Variants in FRMD6 observed in about 807,000 individuals in gnomAD.
FRMD6 encodes FERM domain-containing protein 6.
A neutral mutation model predicts 73.2 loss-of-function variants in FRMD6; 37 were observed. The observed-to-expected ratio is 0.51, with a 90% CI of 0.39 to 0.66. The LOEUF (loss-of-function observed/expected upper bound fraction) is 0.66. Ranked by LOEUF, FRMD6 falls within the 30% of genes least tolerant of loss-of-function variation. The probability of loss-of-function intolerance (pLI) is 0.00; values close to 1 mark genes in which losing one functional copy is unlikely to be tolerated. For synonymous variants in FRMD6, 273 were observed against 282.2 expected, an observed-to-expected ratio of 0.97 and a Z score of 0.33; for missense variants, 714 against 780.5, an observed-to-expected ratio of 0.91 and a Z score of 1.02.
chr14:51,644,275 G>C (rs1326737218), intron 2 of FRMD6, among the ~76,000 whole-genome samples: 2 of 151,408 alleles, frequency 1.3e-5, no homozygotes, highest in Non-Finnish European at 1.5e-5. Flanking sequence ...TGAGATATCC[G>C]GCCCAGAAGC....
chr14:51,459,056 CG>C, the FRMD6 span, among the ~76,000 whole-genome samples: 683 of 152,302 alleles, frequency 4.5e-3, 4 homozygotes, highest in African/African-American at 0.015. Flanking sequence ...CACACGGCAG[CG>C]TAGTGAAGTG....
intron 7 of FRMD6, among the ~76,000 whole-genome samples, chr14:51,709,182 G>A (rs941732486): frequency 3.3e-5 from 5 of 152,158 alleles, no homozygotes; most frequent in African/African-American, 1.2e-4. Flanking sequence ...TGTAAGTTGA[G>A]CCTAACTGCC....
intron 2 of FRMD6, among the ~76,000 whole-genome samples, chr14:51,590,089 GGTAA>G (rs1889305133): frequency 6.7e-6 from 1 of 148,988 alleles, no homozygotes; most frequent in South Asian, 2.1e-4. Flanking sequence ...AAAAAAATCA[GGTAA>G]GTGAGAATTT....
intron 4 of FRMD6, among the ~76,000 whole-genome samples, chr14:51,701,642 C>A (rs967041214): frequency 1.8e-4 from 27 of 148,262 alleles, no homozygotes; most frequent in Middle Eastern, 3.6e-3. Flanking sequence ...CTTATAAGTT[C>A]TAAAGTGTCA....
chr14:51,588,662 C>T (rs1203733894), intron 2 of FRMD6, among the ~76,000 whole-genome samples: 1 of 152,170 alleles, frequency 6.6e-6, no homozygotes, highest in African/African-American at 2.4e-5. Context: ...ATGACTTCCA[C>T]CCCAGGCTGC....
chr14:51,411,117 G>T, the FRMD6 span, among the ~76,000 whole-genome samples: 1 of 152,122 alleles, frequency 6.6e-6, no homozygotes, highest in Admixed American at 6.5e-5. Flanking sequence ...ATTGTCTGTT[G>T]GATGAAGGGT....
chr14:51,461,160 T>A, the FRMD6 span, among the ~76,000 whole-genome samples: 1 of 152,188 alleles, frequency 6.6e-6, no homozygotes, highest in Non-Finnish European at 1.5e-5. Flanking sequence ...GCACACCTAT[T>A]ACAACAAATG....
chr14:51,660,613 G>GA (rs10605746), intron 1 of FRMD6, among the ~76,000 whole-genome samples: 64,034 of 139,260 alleles, frequency 0.46, 14,779 homozygotes, highest in Middle Eastern at 0.57. Context: ...TAAAATAAAG[G>GA]AAAAAAAAAA....
intron 1 of FRMD6, among the ~76,000 whole-genome samples, chr14:51,518,226 T>G (rs1884745540): frequency 6.6e-6 from 1 of 152,244 alleles, no homozygotes; most frequent in African/African-American, 2.4e-5. Context: ...CCATGAAGTA[T>G]ATACTGTAGT....
the FRMD6 span, among the ~76,000 whole-genome samples, chr14:51,404,119 G>A: frequency 2.0e-5 from 3 of 152,036 alleles, no homozygotes; most frequent in South Asian, 6.2e-4. Flanking sequence ...TGCTTTTCTG[G>A]TAGGCTTGAA....
intron 1 of FRMD6, among the ~76,000 whole-genome samples, chr14:51,506,886 T>A (rs1474940633): frequency 6.6e-6 from 1 of 152,134 alleles, no homozygotes; most frequent in Non-Finnish European, 1.5e-5. Context: ...GGAAGGATAA[T>A]ATTTGTGATG....
At chr14:51,610,371 T>C (rs1006973) in intron 2 of FRMD6, among the ~76,000 whole-genome samples, 100,250 of 150,260 alleles carry the variant, frequency 0.67, 35,015 homozygotes, top group Non-Finnish European at 0.76. Flanking sequence ...TTTGGTGACT[T>C]GCAAACAGAA....
At chr14:51,501,176 G>T (rs931298334) in intron 1 of FRMD6, among the ~76,000 whole-genome samples, 1 of 152,166 alleles carries the variant, frequency 6.6e-6, no homozygotes, top group Admixed American at 6.5e-5. Context: ...CTGACTTGCT[G>T]CTTCATTTGG....
chr14:51,667,424 C>A (rs946948829), intron 1 of FRMD6, among the ~76,000 whole-genome samples: 4 of 152,022 alleles, frequency 2.6e-5, no homozygotes, highest in African/African-American at 9.7e-5. Context: ...ACATGTGTGA[C>A]CCAAAATATA....
rs1401639389 is a variant in FRMD6, at chr14:51,715,377, T to C, written c.902T>C (p.Ile301Thr). The change falls in exon 10 of 14, where the codon ATA (isoleucine) becomes ACA (threonine). Residue 301 changes from isoleucine to threonine, a missense_variant. Ile to Thr is a moderately conservative substitution (Grantham distance 89). Transcript: ENST00000344768. ...GGCTTGCCTTCTGCCCGGAAGCTCA[T>C]ATACTACACGGGGTGCCCCATGCGC... The part of the protein sequence containing the change: ...PDGLPSARKL[I>T]YYTGCPMRSR... 3 of 1,612,092 alleles carry C rather than the reference T, an allele frequency of 1.9e-6. No individual in the cohort carries two copies. The highest frequency in any genetic ancestry group is 1.7e-5 in the Admixed American group (1 of 59,836).
intron 1 of FRMD6, among the ~76,000 whole-genome samples, chr14:51,663,525 G>C (rs1893372890): frequency 6.6e-6 from 1 of 152,160 alleles, no homozygotes; most frequent in South Asian, 2.1e-4. Context: ...CAGAAATACT[G>C]CATGTTCTCA....
intron 2 of FRMD6, among the ~76,000 whole-genome samples, chr14:51,640,274 C>A (rs1029043980): frequency 6.6e-6 from 1 of 152,204 alleles, no homozygotes; most frequent in Non-Finnish European, 1.5e-5. Context: ...GATAGAGTTA[C>A]AATACCTAAA....
At chr14:51,636,306 C>T (rs1449482189) in intron 2 of FRMD6, among the ~76,000 whole-genome samples, 1 of 152,168 alleles carries the variant, frequency 6.6e-6, no homozygotes, top group Non-Finnish European at 1.5e-5. Flanking sequence ...AACTGGAAAT[C>T]TTAGAGTCCT....
intron 2 of FRMD6, among the ~76,000 whole-genome samples, chr14:51,583,534 T>C (rs1313171201): frequency 1.3e-5 from 2 of 152,202 alleles, no homozygotes; most frequent in Non-Finnish European, 2.9e-5. Flanking sequence ...CCTGGAGCTC[T>C]TCCATGTGTT....
Sources: allele counts gnomAD v4.1 joint callset (sites outside exome capture counted in the v4.1 genomes callset), GRCh38; gene constraint gnomAD v4.1.1; transcripts MANE v1.5; gene names NCBI Gene and HGNC (gene_info 2026-07-23, HGNC 2026-07-21).